Variants in GPRC5A observed in about 807,000 individuals in gnomAD.
The protein encoded by GPRC5A is retinoic acid-induced protein 3.
In GPRC5A, 19 loss-of-function variants were observed where a neutral mutation model predicts 22.5. That is an observed-to-expected ratio of 0.85 (90% confidence interval 0.59 to 1.24). The LOEUF (loss-of-function observed/expected upper bound fraction) is 1.24. GPRC5A is among the 50% of genes most tolerant of loss of function. The probability of loss-of-function intolerance (pLI) is 0.00; values close to 1 mark genes in which losing one functional copy is unlikely to be tolerated. For synonymous variants in GPRC5A, 192 were observed against 184.5 expected, an observed-to-expected ratio of 1.04 and a Z score of -0.33; for missense variants, 471 against 451.1, an observed-to-expected ratio of 1.04 and a Z score of -0.40.
Position 12,908,691 on chromosome 12 carries a change from A to T in GPRC5A, c.442A>T (p.Ile148Phe). The T allele has an allele frequency of 1.9e-6, 3 of 1,614,062 alleles. No individual in the cohort carries two copies. The highest frequency in any genetic ancestry group is 2.5e-6 in the Non-Finnish European group (3 of 1,179,916). The change falls in exon 2 of 4, where the codon ATC (isoleucine) becomes TTC (phenylalanine). Residue 148 changes from isoleucine (I) to phenylalanine (F), a missense_variant. Transcript: ENST00000014914. ...GGGCTTCAGCCTAGTCCAGGATGTT[A>T]TCGCTATTGAATATATTGTCCTGAC... ...AVGFSLVQDV[I>F]AIEYIVLTMN... is the part of the protein sequence containing the mutation.
At chr12:12,898,370 CA>C (rs1202137756) in intron 1 of GPRC5A, among the ~76,000 whole-genome samples, 3 of 151,938 alleles carry the variant, frequency 2.0e-5, no homozygotes, top group Non-Finnish European at 4.4e-5. Context: ...CCCACCTCTA[CA>C]AAAAATACAA....
At chr12:12,908,155 T>C in intron 1 of GPRC5A, 88 bp from the exon 2 acceptor site, 2 of 931,820 alleles carry the variant, frequency 2.1e-6, no homozygotes, top group East Asian at 5.1e-5. Flanking sequence ...CAAAATTGGT[T>C]TCCTAATCCT....
chr12:12,908,425 C>T lies in GPRC5A; in HGVS notation c.176C>T (p.Ser59Phe). 1 of 1,614,044 alleles carries T rather than the reference C, an allele frequency of 6.2e-7. No homozygotes were observed. Among genetic ancestry groups the T allele is most frequent in the Non-Finnish European group, 8.5e-7 (1 of 1,179,976 alleles). ...LPILVCKVQD[S>F]NRRKMLPTQF... is the part of the protein sequence containing the mutation. ...ATCCTCGTCTGCAAGGTGCAGGACT[C>T]CAACAGGCGAAAAATGCTGCCTACT... Residue 59 changes from serine (S) to phenylalanine (F), a missense_variant, in exon 2 of 4, where the codon TCC becomes TTC. Ser to Phe is a radical substitution (Grantham distance 155, BLOSUM62 -2). Transcript: ENST00000014914.
Position 12,907,414 on chromosome 12 carries a change from A to AAAAAAAAG in GPRC5A, c.-7-828_-7-827insAAAAAAGA, listed in dbSNP as rs1174781334. On this transcript the variant is annotated intron_variant, in intron 1 of 3. Coordinates refer to ENST00000014914, the MANE Select transcript of GPRC5A (RefSeq NM_003979.4). ...AGACTCTGTCTCAAAAAAAAAAAAA[A>AAAAAAAAG]AGAGAGAGAAAGAAAAATCTACCAT... Among the ~76,000 whole-genome samples the AAAAAAAAG allele has an allele frequency of 6.3e-3, 944 of 150,692 alleles. 20 individuals are homozygous for AAAAAAAAG. Among genetic ancestry groups the AAAAAAAAG allele is most frequent in the African/African-American group, 0.022 (887 of 40,628 alleles).
In GPRC5A at chr12:12,909,173, T is replaced by G. The variant is rs1565465464; in HGVS notation, c.922+2T>G. 44 of 1,564,542 alleles carry G rather than the reference T, an allele frequency of 2.8e-5. 1 individual carries two copies. Among genetic ancestry groups the G allele is most frequent in the Non-Finnish European group, 3.5e-5 (40 of 1,157,018 alleles). Reference sequence around the variant, plus strand: ...ACTCTCAAGAGGAAATCACTCAAGGTACAGATGCAGCCTGGCTAGGCAGAG... The same window carrying G: ...ACTCTCAAGAGGAAATCACTCAAGGGACAGATGCAGCCTGGCTAGGCAGAG... On this transcript the variant is annotated splice_donor_variant, in intron 2 of 3. Coordinates refer to ENST00000014914, the MANE Select transcript of GPRC5A (RefSeq NM_003979.4). LOFTEE classifies it high-confidence loss of function.
intron 1 of GPRC5A, among the ~76,000 whole-genome samples, chr12:12,894,781 T>TTTTG: frequency 7.6e-6 from 1 of 131,878 alleles, no homozygotes; most frequent in Admixed American, 7.8e-5. Context: ...GGTTTTTTTT[T>TTTTG]TTTTTTTTTT....
Position 12,891,664 on chromosome 12 carries a change from G to A in GPRC5A, c.-8G>A, listed in dbSNP as rs1863759154. The A allele has an allele frequency of 6.6e-6, 1 of 152,254 alleles. No individual in the cohort carries two copies. The highest frequency in any genetic ancestry group is 2.1e-4 in the South Asian group (1 of 4,836). 9.4% of individuals were successfully genotyped at this position (152,254 alleles called of 1,614,324 possible). A position where few individuals can be genotyped will look rare whatever the true frequency, so the allele number is the denominator to read the frequency against. The stretch of plus-strand genomic sequence containing the variant: ...TTCACGGCCAACGCCTTGGCACTAG[G>A]GTAAGTGAGGCGCCAGGAGCCCAGA... On this transcript the variant is annotated splice_region_variant and 5_prime_UTR_variant, in exon 1 of 4. Transcript: ENST00000014914.
chr12:12,897,758 G>A (rs543153188), intron 1 of GPRC5A, among the ~76,000 whole-genome samples: 2 of 151,968 alleles, frequency 1.3e-5, no homozygotes, highest in South Asian at 4.2e-4. Flanking sequence ...ACAGGCGTGA[G>A]CCACCATGCC....
intron 1 of GPRC5A, among the ~76,000 whole-genome samples, chr12:12,901,486 C>T (rs1863886355): frequency 6.6e-6 from 1 of 152,108 alleles, no homozygotes; most frequent in African/African-American, 2.4e-5. Context: ...TCACGAGCAG[C>T]CCGTCCTCCT....
At position 12,909,041 on chromosome 12, in the gene GPRC5A, G is replaced by A; in HGVS notation, c.792G>A (p.Glu264=). The A allele has an allele frequency of 3.7e-6, 6 of 1,612,374 alleles. No homozygotes were observed. The highest frequency in any genetic ancestry group is 5.1e-6 in the Non-Finnish European group (6 of 1,180,020). The change falls in exon 2 of 4, where the codon GAG becomes GAA. Residue 264 remains glutamate (E), a synonymous_variant. Transcript: ENST00000014914. ...TCCTGTTGGCTTATGTTAGTCCCGA[G>A]TTTTGGCTGCTCACAAAGCAACGAA... is the stretch of plus-strand genomic sequence containing the variant. ...WVFLLAYVSP[E]FWLLTKQRNP...
intron 1 of GPRC5A, among the ~76,000 whole-genome samples, chr12:12,897,060 C>G (rs1255970147): frequency 3.3e-5 from 5 of 151,800 alleles, no homozygotes; most frequent in Non-Finnish European, 7.4e-5. Flanking sequence ...AACCCTGCGT[C>G]TACTAAAAAT....
In GPRC5A at chr12:12,892,682, CATCCAT is replaced by C. The variant is rs1863775809; in HGVS notation, c.-8+1019_-8+1024del. Reference sequence around the variant, plus strand: ...GCGCCCGGCCACAGATAGCTTTAAACATCCATGGGAAAGGCTAGCTAACAGCTGAAA... The same window carrying C: ...GCGCCCGGCCACAGATAGCTTTAAACGGGAAAGGCTAGCTAACAGCTGAAA... On this transcript the variant is annotated intron_variant, in intron 1 of 3. Coordinates refer to ENST00000014914, the MANE Select transcript of GPRC5A (RefSeq NM_003979.4). 3.9e-5 allele frequency among the ~76,000 whole-genome samples: 6 copies of C among 152,284 alleles called. No homozygotes were observed. The East Asian group carries it at 1.2e-3, about 29-fold the overall frequency.
chr12:12,909,275 C>A, intron 2 of GPRC5A, 104 bp downstream of exon 2: 3 of 823,712 alleles, frequency 3.6e-6, no homozygotes, highest in Admixed American at 2.8e-5. Context: ...CCAGATTATA[C>A]CCTTGATAGA....
rs201358570 is a variant in GPRC5A at position 12,908,539 on chromosome 12, G to A, written c.290G>A (p.Arg97His). ...CTGGACGGGAGCACAGGGCCCACACGCTTCTTCCTCTTTGGGATCCTCTTT... is the reference window on the plus strand; with the variant it reads ...CTGGACGGGAGCACAGGGCCCACACACTTCTTCCTCTTTGGGATCCTCTTT... ...IGLDGSTGPT[R>H]FFLFGILFSI... Residue 97 changes from arginine (R) to histidine (H), a missense_variant, in exon 2 of 4, where the codon CGC becomes CAC. By Grantham distance (29) the Arg-to-His change is conservative. Transcript: ENST00000014914. 17 of 1,614,060 alleles carry A rather than the reference G, an allele frequency of 1.1e-5. No homozygotes were observed. The highest frequency in any genetic ancestry group is 8.0e-5 in the African/African-American group (6 of 75,014).
chr12:12,913,700 T>G lies in GPRC5A; in HGVS notation c.*1161T>G, dbSNP rs569493983. The G allele has an allele frequency of 2.1e-4, 32 of 152,378 alleles. No individual in the cohort carries two copies. The highest frequency in any genetic ancestry group is 7.5e-4 in the African/African-American group (31 of 41,588). 9.4% of individuals were successfully genotyped at this position (152,378 alleles called of 1,614,324 possible). ...AGACTCTGGGGGATAGAACACGGGCTGCCCTGAGAGCTTCATGTTGGAGCT... is the reference window on the plus strand; with the variant it reads ...AGACTCTGGGGGATAGAACACGGGCGGCCCTGAGAGCTTCATGTTGGAGCT... On this transcript the variant is annotated 3_prime_UTR_variant, in exon 4 of 4. Coordinates refer to ENST00000014914, the MANE Select transcript of GPRC5A (RefSeq NM_003979.4).
rs1555105847 is a variant in GPRC5A at position 12,914,552 on chromosome 12, C to CTTTCTT, written c.*2015_*2020dup. ...TCTTTCCTTCCTTCCTTCCTTTCTT[C>CTTTCTT]TTTCTTTCTTTCTTTCTTTCTTTCT... On this transcript the variant is annotated 3_prime_UTR_variant, in exon 4 of 4. Coordinates refer to ENST00000014914, the MANE Select transcript of GPRC5A (RefSeq NM_003979.4). 2.0e-5 allele frequency: 1 copy of CTTTCTT among 48,872 alleles called. No individual in the cohort carries two copies. Among genetic ancestry groups the CTTTCTT allele is most frequent in the Non-Finnish European group, 3.6e-5 (1 of 27,818 alleles). The allele number at this position is 48,872 out of a possible 1,614,324, so 3.0% of individuals were successfully genotyped here.
chr12:12,909,120 A>G lies in GPRC5A; in HGVS notation c.871A>G (p.Lys291Glu). The change falls in exon 2 of 4, where the codon AAG (lysine) becomes GAG (glutamate). Residue 291 changes from lysine (K) to glutamate (E), a missense_variant. Lys to Glu is a moderately conservative substitution (Grantham distance 56, BLOSUM62 1). Coordinates refer to ENST00000014914, the MANE Select transcript of GPRC5A (RefSeq NM_003979.4). ...TTTCTGTAAACCTCAACTCGTGAAG[A>G]AGAGCTATGGTGTGGAGAACAGAGC... ...DAFCKPQLVKKSYGVENRAYS... is the reference protein window; with the variant it reads ...DAFCKPQLVKESYGVENRAYS... 1 of 1,600,422 alleles carries G rather than the reference A, an allele frequency of 6.2e-7. No individual in the cohort carries two copies. Among genetic ancestry groups the G allele is most frequent in the South Asian group, 1.1e-5 (1 of 91,058 alleles).
chr12:12,905,744 T>A (rs1863935304), intron 1 of GPRC5A, among the ~76,000 whole-genome samples: 1 of 152,176 alleles, frequency 6.6e-6, no homozygotes, highest in Non-Finnish European at 1.5e-5. Flanking sequence ...AGGGGTATGG[T>A]CAAGGAGCTG....
intron 1 of GPRC5A, among the ~76,000 whole-genome samples, chr12:12,893,793 G>C (rs1257793527): frequency 6.6e-6 from 1 of 152,110 alleles, no homozygotes; most frequent in Non-Finnish European, 1.5e-5. Flanking sequence ...TCTCGCTCTT[G>C]CCCAGGCTGG....
Sources: gnomAD v4.1 joint callset for allele counts (sites outside exome capture counted in the v4.1 genomes callset) on GRCh38, gnomAD v4.1.1 for gene constraint, MANE v1.5 for transcripts, NCBI Gene and HGNC (gene_info 2026-07-23, HGNC 2026-07-21) for gene names.